The following CYP39A1 variants were observed in gnomAD, a reference collection of about 807,000 sequenced individuals.
CYP39A1 encodes the protein 24-hydroxycholesterol 7-alpha-hydroxylase.
Under a neutral mutation model 58.1 loss-of-function variants are expected in CYP39A1, and 49 were observed. That is an observed-to-expected ratio of 0.84 (90% CI 0.67 to 1.07). The LOEUF (loss-of-function observed/expected upper bound fraction) is 1.07, where lower values mean the gene tolerates loss of function less well. CYP39A1 is among the 50% of genes least tolerant of loss of function. The pLI is 0.00. For synonymous variants in CYP39A1, 209 were observed against 187.6 expected, an observed-to-expected ratio of 1.11 and a Z score of -0.93; for missense variants, 531 against 539.4, an observed-to-expected ratio of 0.98 and a Z score of 0.16.
chr6:46,638,117 C>G (rs1776105336), intron 3 of CYP39A1, 139 bp from the exon 4 acceptor site: 1 of 830,138 alleles, frequency 1.2e-6, no homozygotes, highest in Non-Finnish European at 1.8e-6. Context: ...AAAAGTCACT[C>G]TTAAGAAGTT....
chr6:46,607,498 C>T (rs996495008), intron 7 of CYP39A1, among the ~76,000 whole-genome samples: 3 of 151,188 alleles, frequency 2.0e-5, no homozygotes, highest in African/African-American at 7.3e-5. Context: ...CACATGCATA[C>T]ATGCAGACAT....
chr6:46,637,983 A>G lies in CYP39A1; in HGVS notation c.489-5T>C, dbSNP rs770307922. 2 of 1,593,168 alleles carry G rather than the reference A, an allele frequency of 1.3e-6. No individual in the cohort carries two copies. Among genetic ancestry groups the G allele is most frequent in the East Asian group, 2.2e-5 (1 of 44,482 alleles). ...GTGACTGGATAAAGGAGATGTCTAC[A>G]AAGACAGAAACACACAAAAAGTCAG... On this transcript the variant is annotated splice_region_variant and splice_polypyrimidine_tract_variant and intron_variant, in intron 3 of 11. Transcript: ENST00000275016.
chr6:46,573,706 G>A (rs1771709848), intron 10 of CYP39A1, among the ~76,000 whole-genome samples: 1 of 152,164 alleles, frequency 6.6e-6, no homozygotes, highest in African/African-American at 2.4e-5. Flanking sequence ...CCTGGGCTCA[G>A]GAGTGTATAG....
chr6:46,550,369 T>A lies in CYP39A1; in HGVS notation c.1407A>T (p.Ile469=), dbSNP rs1770324515. 1 of 1,612,736 alleles carries A rather than the reference T, an allele frequency of 6.2e-7. No homozygotes were observed. The highest frequency in any genetic ancestry group is 1.3e-5 in the African/African-American group (1 of 74,898). ...GQCRIEYKQR[I] is the part of the protein sequence containing the mutation. ...TCCTTGTGAGGCCCAACAGATGTCA[T>A]ATTCTTTGTTTATATTCAATTCGGC... The change falls in exon 12 of 12, where the codon ATA becomes ATT. Residue 469 remains isoleucine (I), a synonymous_variant. Coordinates refer to ENST00000275016, the MANE Select transcript of CYP39A1 (RefSeq NM_016593.5).
At chr6:46,607,090 T>C (rs1773892887) in intron 7 of CYP39A1, among the ~76,000 whole-genome samples, 1 of 152,190 alleles carries the variant, frequency 6.6e-6, no homozygotes, top group Non-Finnish European at 1.5e-5. Context: ...TGTCTGTCTA[T>C]ACTGAAAGCC....
intron 1 of CYP39A1, among the ~76,000 whole-genome samples, chr6:46,650,851 A>G (rs991796807): frequency 3.9e-5 from 6 of 152,036 alleles, no homozygotes; most frequent in African/African-American, 1.4e-4. Flanking sequence ...AGCAATAGAG[A>G]CCTCACAAAT....
At chr6:46,643,193 T>C (rs1776452784) in intron 1 of CYP39A1, among the ~76,000 whole-genome samples, 1 of 152,200 alleles carries the variant, frequency 6.6e-6, no homozygotes, top group Non-Finnish European at 1.5e-5. Context: ...CTAAGTATAA[T>C]TTAGCAGTTT....
intron 10 of CYP39A1, among the ~76,000 whole-genome samples, chr6:46,577,073 A>G (rs1173537129): frequency 6.6e-6 from 1 of 152,218 alleles, no homozygotes; most frequent in African/African-American, 2.4e-5. Flanking sequence ...CAGGCTAACA[A>G]TGAAACTTTC....
chr6:46,558,556 ATTTGG>A (rs1019880090), intron 10 of CYP39A1, among the ~76,000 whole-genome samples: 1 of 152,088 alleles, frequency 6.6e-6, no homozygotes, highest in Admixed American at 6.6e-5. Context: ...TCAACATGAG[ATTTGG>A]GTGGGGACAC....
At chr6:46,598,013 A>G (rs1212137793) in intron 7 of CYP39A1, among the ~76,000 whole-genome samples, 1 of 152,210 alleles carries the variant, frequency 6.6e-6, no homozygotes, top group African/African-American at 2.4e-5. Flanking sequence ...TTGGAAAACA[A>G]TAAGTATGCC....
chr6:46,598,538 C>T (rs915690447), intron 7 of CYP39A1, among the ~76,000 whole-genome samples: 2 of 152,078 alleles, frequency 1.3e-5, no homozygotes, highest in Non-Finnish European at 2.9e-5. Flanking sequence ...TACATTTTCC[C>T]CAAACTATCC....
chr6:46,616,140 CTTTCTTTCTTTCTTTCTTTCTTT>C (rs1222861225), intron 7 of CYP39A1, among the ~76,000 whole-genome samples: 188 of 624 alleles, frequency 0.3, 11 homozygotes, highest in East Asian at 0.46. Context: ...TTCTTTCTTT[CTTTCTTTCTTTCTTTCTTTCTTT>C]TTTCTTTCTT....
chr6:46,612,463 T>C (rs2150551645), intron 7 of CYP39A1, among the ~76,000 whole-genome samples: 1 of 152,346 alleles, frequency 6.6e-6, no homozygotes. Flanking sequence ...TTCTTGCATT[T>C]ATAAATACTT....
At chr6:46,622,071 C>G (rs7768721) in intron 7 of CYP39A1, among the ~76,000 whole-genome samples, 1 of 151,846 alleles carries the variant, frequency 6.6e-6, no homozygotes, top group African/African-American at 2.4e-5. Flanking sequence ...GAGCCAGACA[C>G]AAAGGACCAC....
chr6:46,564,003 T>A (rs1462335664), intron 10 of CYP39A1, among the ~76,000 whole-genome samples: 1 of 152,072 alleles, frequency 6.6e-6, no homozygotes, highest in Non-Finnish European at 1.5e-5. Flanking sequence ...GTAAGATGGA[T>A]TGAAATAAGA....
intron 5 of CYP39A1, among the ~76,000 whole-genome samples, chr6:46,632,818 T>C (rs1337531355): frequency 6.6e-6 from 1 of 152,138 alleles, no homozygotes; most frequent in Non-Finnish European, 1.5e-5. Context: ...CACTATGCTA[T>C]ACTGGCCCCC....
Position 46,596,088 on chromosome 6 carries a change from G to A in CYP39A1, c.964C>T (p.Leu322=). The A allele has an allele frequency of 6.2e-7, 1 of 1,610,428 alleles. No individual in the cohort carries two copies. Among genetic ancestry groups the A allele is most frequent in the South Asian group, 1.1e-5 (1 of 90,514 alleles). The stretch of plus-strand genomic sequence containing the variant: ...CATTTAATTAGAAGGAGATTCTCCA[G>A]GTCATCCTCAGACACTTTAATCTTA... ...KDKIKVSEDD[L]ENLLLIKWCV... The change falls in exon 8 of 12, where the codon CTG becomes TTG. Residue 322 remains leucine, a synonymous_variant. Transcript: ENST00000275016.
intron 7 of CYP39A1, among the ~76,000 whole-genome samples, chr6:46,616,046 CTTTT>C (rs1774523143): frequency 1.1e-5 from 1 of 91,946 alleles, no homozygotes; most frequent in Non-Finnish European, 2.4e-5. Context: ...CCTCCTCTTT[CTTTT>C]CTTTTCTTTT....
chr6:46,616,548 A>C (rs915073380), intron 7 of CYP39A1, among the ~76,000 whole-genome samples: 2 of 151,864 alleles, frequency 1.3e-5, no homozygotes, highest in Non-Finnish European at 2.9e-5. Flanking sequence ...TCACCTTTTA[A>C]TATTTTTACT....
Sources: allele counts gnomAD v4.1 joint callset (sites outside exome capture counted in the v4.1 genomes callset), GRCh38; gene constraint gnomAD v4.1.1; transcripts MANE v1.5; gene names NCBI Gene and HGNC (gene_info 2026-07-23, HGNC 2026-07-21).